VRK2: variants seen among roughly 807,000 people sequenced by gnomAD.
The protein encoded by VRK2 is serine/threonine-protein kinase VRK2.
VRK2 carries 60 observed loss-of-function variants against 57.6 expected under a neutral mutation model. That is an observed-to-expected ratio of 1.04 (90% CI 0.85 to 1.29). VRK2 has a LOEUF of 1.29. Among genes scored for constraint, VRK2 ranks in the 50% most tolerant of loss-of-function variants. The pLI, the probability that VRK2 is intolerant of heterozygous loss-of-function variation, is 0.00. For missense variants in VRK2, 705 were observed against 588.1 expected (o/e 1.20, Z -2.06); for synonymous variants, 231 against 199.2 (o/e 1.16, Z -1.35).
chr2:58,052,206 GATA>G (rs1675847631), intron 2 of VRK2, among the ~76,000 whole-genome samples: 1 of 152,136 alleles, frequency 6.6e-6, no homozygotes, highest in African/African-American at 2.4e-5. Flanking sequence ...GCATAATTGT[GATA>G]ATAATAATTG....
chr2:57,944,368 T>C (rs957041546), intron 1 of VRK2, among the ~76,000 whole-genome samples: 6 of 152,210 alleles, frequency 3.9e-5, no homozygotes, highest in African/African-American at 1.2e-4. Flanking sequence ...ACTTTAGCTA[T>C]GGATGGACAA....
chr2:58,090,983 T>C lies in VRK2; in HGVS notation c.543+1260T>C, dbSNP rs1237109744. 2.0e-5 allele frequency among the ~76,000 whole-genome samples: 3 copies of C among 152,330 alleles called. No individual in the cohort carries two copies. In the East Asian group the frequency reaches 5.8e-4, roughly 29 times the overall value. On this transcript the variant is annotated intron_variant, in intron 7 of 12. Coordinates refer to ENST00000340157, the MANE Select transcript of VRK2 (RefSeq NM_006296.7). ...GCTAGTTACTATACAATTTCAACTA[T>C]ATGACATTCTGGAAAAGGCAAAACT... is the stretch of plus-strand genomic sequence containing the variant.
At chr2:58,071,893 G>A (rs111341217) in intron 2 of VRK2, among the ~76,000 whole-genome samples, 15 of 152,010 alleles carry the variant, frequency 9.9e-5, no homozygotes, top group African/African-American at 3.6e-4. Context: ...AAGAATATGA[G>A]TGAGTCTTCC....
intron 1 of VRK2, among the ~76,000 whole-genome samples, chr2:58,013,648 G>A (rs1301806710): frequency 6.6e-6 from 1 of 151,766 alleles, no homozygotes; most frequent in Admixed American, 6.6e-5. Context: ...GAGGCGGGCG[G>A]ATCACGAGGT....
intron 2 of VRK2, among the ~76,000 whole-genome samples, chr2:58,083,235 A>T (rs1000036036): frequency 6.6e-6 from 1 of 151,592 alleles, no homozygotes; most frequent in African/African-American, 2.4e-5. Context: ...TATTTTAGCT[A>T]TTTAAATGAG....
intron 1 of VRK2, among the ~76,000 whole-genome samples, chr2:57,916,528 C>A (rs904038502): frequency 2.6e-5 from 4 of 151,912 alleles, no homozygotes; most frequent in Non-Finnish European, 4.4e-5. Flanking sequence ...TATCGACCCA[C>A]CCTCCTTAAG....
chr2:57,982,833 T>C (rs189223995), intron 1 of VRK2, among the ~76,000 whole-genome samples: 55 of 152,336 alleles, frequency 3.6e-4, no homozygotes, highest in African/African-American at 1.3e-3. Context: ...CCAATGGCCA[T>C]GCTCCAGTGC....
chr2:58,052,779 T>C (rs1003211227), intron 2 of VRK2, among the ~76,000 whole-genome samples: 9 of 152,118 alleles, frequency 5.9e-5, no homozygotes, highest in Non-Finnish European at 1.2e-4. Flanking sequence ...TACTAACTGA[T>C]AAAAGCTCCC....
At chr2:58,143,852 A>G (rs1160706154) in intron 11 of VRK2, among the ~76,000 whole-genome samples, 1 of 151,860 alleles carries the variant, frequency 6.6e-6, no homozygotes, top group East Asian at 1.9e-4. Context: ...GTGAATGGAT[A>G]AAGTGTGGTC....
At chr2:58,124,792 C>T (rs575319102) in intron 8 of VRK2, among the ~76,000 whole-genome samples, 5 of 151,988 alleles carry the variant, frequency 3.3e-5, no homozygotes, top group African/African-American at 4.8e-5. Context: ...TTTTCTGAAA[C>T]GGAAATTATC....
chr2:58,048,775 T>G, intron 1 of VRK2, 52 bp from the exon 2 acceptor site: 1 of 1,588,640 alleles, frequency 6.3e-7, no homozygotes, highest in South Asian at 1.1e-5. Flanking sequence ...TTTAAGAGTT[T>G]TGTTTGTTTG....
At chr2:58,022,781 T>C (rs976558199) in intron 1 of VRK2, among the ~76,000 whole-genome samples, 1 of 152,032 alleles carries the variant, frequency 6.6e-6, no homozygotes, top group South Asian at 2.1e-4. Flanking sequence ...AGGCTGAGAC[T>C]GAGGGATTGC....
chr2:58,125,592 G>A (rs1161434377), intron 8 of VRK2, among the ~76,000 whole-genome samples: 1 of 151,350 alleles, frequency 6.6e-6, no homozygotes, highest in Non-Finnish European at 1.5e-5. Flanking sequence ...ATGATAGAAT[G>A]AACATTCATT....
At chr2:57,933,602 GCTGT>G (rs761112858) in intron 1 of VRK2, among the ~76,000 whole-genome samples, 71 of 151,134 alleles carry the variant, frequency 4.7e-4, no homozygotes, top group Non-Finnish European at 8.0e-4. Flanking sequence ...GCCACCACCT[GCTGT>G]CTATTTCCTT....
At chr2:58,086,631 C>T (rs1671659175) in intron 5 of VRK2, among the ~76,000 whole-genome samples, 1 of 152,132 alleles carries the variant, frequency 6.6e-6, no homozygotes, top group South Asian at 2.1e-4. Context: ...GATATGTAGT[C>T]AGCTGTCTGC....
chr2:58,048,048 T>G (rs955243600), intron 1 of VRK2, among the ~76,000 whole-genome samples: 5 of 152,206 alleles, frequency 3.3e-5, no homozygotes, highest in African/African-American at 1.2e-4. Flanking sequence ...CCCTAAGAAA[T>G]TTTCTCTTTT....
intron 5 of VRK2, among the ~76,000 whole-genome samples, chr2:58,087,681 GAAAC>G (rs1671822005): frequency 6.6e-6 from 1 of 151,996 alleles, no homozygotes; most frequent in South Asian, 2.1e-4. Context: ...ATCTTATCAA[GAAAC>G]AAACAAATAT....
chr2:58,006,290 G>A (rs995235987), intron 1 of VRK2, among the ~76,000 whole-genome samples: 2 of 152,172 alleles, frequency 1.3e-5, no homozygotes, highest in African/African-American at 4.8e-5. Flanking sequence ...AGTTAGGAGG[G>A]ATTTTAAAAG....
intron 4 of VRK2, among the ~76,000 whole-genome samples, chr2:58,085,332 AAAAG>A (rs1400459602): frequency 6.6e-6 from 1 of 151,944 alleles, no homozygotes; most frequent in Non-Finnish European, 1.5e-5. Context: ...TATGTATAAA[AAAAG>A]AACGATTGTA....
Sources: gnomAD v4.1 joint callset for allele counts (sites outside exome capture counted in the v4.1 genomes callset) on GRCh38, gnomAD v4.1.1 for gene constraint, MANE v1.5 for transcripts, NCBI Gene and HGNC (gene_info 2026-07-23, HGNC 2026-07-21) for gene names.